Variants in DHRSX observed in about 807,000 individuals in gnomAD.
DHRSX encodes the protein dehydrogenase/reductase X-linked.
Under a neutral mutation model 34.0 loss-of-function variants are expected in DHRSX, and 31 were observed. That is an observed-to-expected ratio of 0.91 (90% CI 0.69 to 1.23). DHRSX has a LOEUF of 1.23. Among genes scored for constraint, DHRSX ranks in the 50% most tolerant of loss-of-function variants. The pLI is 0.00. For synonymous variants in DHRSX, 201 were observed against 183.8 expected, an observed-to-expected ratio of 1.09 and a Z score of -0.76; for missense variants, 414 against 428.1, an observed-to-expected ratio of 0.97 and a Z score of 0.29.
At chrX:2,451,349 T>G (rs4892823) in intron 1 of DHRSX, among the ~76,000 whole-genome samples, 1 of 151,804 alleles carries the variant, frequency 6.6e-6, no homozygotes, top group African/African-American at 2.4e-5. Context: ...AAAGGTTTCT[T>G]TCCTGTCATC....
Position 2,220,708 on chromosome X carries a change from C to T in DHRSX, c.*333G>A. Reference sequence around the variant, plus strand: ...TGCAGCCCCTGAAAAGAGAGCATCTCTCTTGGAACTTTTGTACTCAGTTGT... The same window carrying T: ...TGCAGCCCCTGAAAAGAGAGCATCTTTCTTGGAACTTTTGTACTCAGTTGT... On this transcript the variant is annotated 3_prime_UTR_variant, in exon 7 of 7. Coordinates refer to ENST00000334651, the MANE Select transcript of DHRSX (RefSeq NM_145177.3). The T allele has an allele frequency of 3.4e-6, 1 of 298,038 alleles. No individual in the cohort carries two copies. Among genetic ancestry groups the T allele is most frequent in the Non-Finnish European group, 6.2e-6 (1 of 161,468 alleles). The allele number at this position is 298,038 out of a possible 1,614,324, so 18.5% of individuals were successfully genotyped here.
chrX:2,446,616 C>T (rs1329055555), intron 1 of DHRSX, among the ~76,000 whole-genome samples: 8 of 151,666 alleles, frequency 5.3e-5, no homozygotes, highest in Admixed American at 5.3e-4. Context: ...GAAGACATTC[C>T]CTAAGCATGG....
chrX:2,292,036 G>C (rs146935393), intron 3 of DHRSX, among the ~76,000 whole-genome samples: 1 of 151,702 alleles, frequency 6.6e-6, no homozygotes, highest in Non-Finnish European at 1.5e-5. Flanking sequence ...CACCACGCCT[G>C]TCCAGGAAGT....
chrX:2,325,166 A>AGCTTGTAC (rs1422270231), intron 3 of DHRSX, among the ~76,000 whole-genome samples: 1 of 152,094 alleles, frequency 6.6e-6, no homozygotes, highest in African/African-American at 2.4e-5. Context: ...GCCAGCTGGG[A>AGCTTGTAC]GCTTGTACGG....
intron 5 of DHRSX, among the ~76,000 whole-genome samples, chrX:2,263,541 T>C (rs1459400393): frequency 2.6e-5 from 4 of 151,080 alleles, no homozygotes; most frequent in African/African-American, 7.3e-5. Context: ...GAGACGGAAT[T>C]TTGCTGTTGT....
chrX:2,435,813 C>T (rs763515427), intron 1 of DHRSX, among the ~76,000 whole-genome samples: 8 of 152,186 alleles, frequency 5.3e-5, no homozygotes, highest in East Asian at 3.9e-4. Flanking sequence ...TCTATGCTTA[C>T]GCCATATGAT....
At position 2,338,895 on chromosome X, in the gene DHRSX, T is replaced by A. The variant is rs191683769; in HGVS notation, c.287-47292A>T. On this transcript the variant is annotated intron_variant, in intron 3 of 6. Coordinates refer to ENST00000334651, the MANE Select transcript of DHRSX (RefSeq NM_145177.3). Reference sequence around the variant, plus strand: ...GTATTTATGTCACTAGTGATGACCGTCCTGACAAGGGGCCAGCCCTGCAGT... The same window carrying A: ...GTATTTATGTCACTAGTGATGACCGACCTGACAAGGGGCCAGCCCTGCAGT... Among the ~76,000 whole-genome samples the A allele has an allele frequency of 2.1e-3, 327 of 152,178 alleles. 8 individuals are homozygous for A. Among genetic ancestry groups the A allele is most frequent in the Admixed American group, 0.014 (209 of 15,194 alleles).
At chrX:2,304,343 G>GGATGGATT in intron 3 of DHRSX, among the ~76,000 whole-genome samples, 1 of 151,112 alleles carries the variant, frequency 6.6e-6, no homozygotes, top group Non-Finnish European at 1.5e-5. Context: ...ATGAACTGAT[G>GGATGGATT]GATGGATGGA....
At chrX:2,344,017 G>A (rs2042671718) in intron 3 of DHRSX, among the ~76,000 whole-genome samples, 5 of 152,038 alleles carry the variant, frequency 3.3e-5, no homozygotes, top group African/African-American at 9.7e-5. Flanking sequence ...TGAAAACTCC[G>A]TGCATCTTGG....
At chrX:2,411,200 G>C (rs2043622887) in intron 2 of DHRSX, among the ~76,000 whole-genome samples, 1 of 152,104 alleles carries the variant, frequency 6.6e-6, no homozygotes, top group Admixed American at 6.5e-5. Flanking sequence ...CTTTTTAAAT[G>C]TAAGCACTCA....
At chrX:2,345,193 C>T (rs954995864) in intron 3 of DHRSX, among the ~76,000 whole-genome samples, 3 of 151,920 alleles carry the variant, frequency 2.0e-5, no homozygotes, top group African/African-American at 7.3e-5. Flanking sequence ...TTTTATAAGT[C>T]CACTTGGCTG....
chrX:2,470,377 C>T (rs935843509), intron 1 of DHRSX, among the ~76,000 whole-genome samples: 4 of 149,882 alleles, frequency 2.7e-5, no homozygotes, highest in African/African-American at 4.9e-5. Flanking sequence ...GCCTGGGTAA[C>T]GTAATGAAAC....
intron 3 of DHRSX, among the ~76,000 whole-genome samples, chrX:2,339,143 T>C (rs899330848): frequency 4.6e-5 from 7 of 152,078 alleles, no homozygotes; most frequent in African/African-American, 1.7e-4. Flanking sequence ...AAGTTCTTTT[T>C]ATTTTTTTCT....
chrX:2,337,208 C>T lies in DHRSX; in HGVS notation c.287-45605G>A, dbSNP rs146178186. ...AACACCGTGAATGTGAACTGATTTG[C>T]GAATAGGGTCTTGGTAGATGCATTC... On this transcript the variant is annotated intron_variant, in intron 3 of 6. Coordinates refer to ENST00000334651, the MANE Select transcript of DHRSX (RefSeq NM_145177.3). Among the ~76,000 whole-genome samples, 330 of 152,184 alleles carry T rather than the reference C, an allele frequency of 2.2e-3. 1 individual carries two copies. The highest frequency in any genetic ancestry group is 7.1e-3 in the African/African-American group (297 of 41,548).
At chrX:2,460,399 C>T (rs7064547) in intron 1 of DHRSX, among the ~76,000 whole-genome samples, 59,979 of 149,448 alleles carry the variant, frequency 0.4, 11,634 homozygotes, top group African/African-American at 0.49. Context: ...CTGATTTTCA[C>T]ATTGAAATTT....
intron 1 of DHRSX, among the ~76,000 whole-genome samples, chrX:2,444,667 C>G (rs2044105185): frequency 6.6e-6 from 1 of 151,988 alleles, no homozygotes; most frequent in Admixed American, 6.6e-5. Context: ...GCCATCTCTA[C>G]AAATAATTTT....
At chrX:2,231,661 CTTTTT>C (rs764927677) in intron 6 of DHRSX, among the ~76,000 whole-genome samples, 5 of 139,442 alleles carry the variant, frequency 3.6e-5, no homozygotes, top group African/African-American at 1.5e-4. Flanking sequence ...GCCTTTTCTT[CTTTTT>C]TTCTTTCTCC....
intron 3 of DHRSX, chrX:2,334,407 C>G (rs183768013): frequency 1.3e-5 from 2 of 151,912 alleles, no homozygotes; most frequent in Non-Finnish European, 2.9e-5. Flanking sequence ...TCAGGTGATT[C>G]GCGTGCCCTG....
At chrX:2,485,536 A>G in intron 1 of DHRSX, among the ~76,000 whole-genome samples, 1 of 126,048 alleles carries the variant, frequency 7.9e-6, no homozygotes, top group African/African-American at 3.0e-5. Context: ...GAAGGGAGGG[A>G]GGGAGAAAAG....
Sources: allele counts gnomAD v4.1 joint callset (sites outside exome capture counted in the v4.1 genomes callset), GRCh38; gene constraint gnomAD v4.1.1; transcripts MANE v1.5; gene names NCBI Gene and HGNC (gene_info 2026-07-23, HGNC 2026-07-21).